SCHIP1: variants seen among roughly 807,000 people sequenced by gnomAD.
The protein encoded by SCHIP1 is schwannomin-interacting protein 1.
Under a neutral mutation model 29.7 loss-of-function variants are expected in SCHIP1, and 8 were observed. The ratio of observed to expected loss-of-function variants is 0.27; its 90% CI spans 0.16 to 0.49. SCHIP1 has a LOEUF of 0.49. Among genes scored for constraint, SCHIP1 ranks in the 20% least tolerant of loss-of-function variants. The pLI, the probability that SCHIP1 is intolerant of heterozygous loss-of-function variation, is 0.99. For missense variants in SCHIP1, 193 were observed against 294.6 expected, an observed-to-expected ratio of 0.66 and a Z score of 2.52; for synonymous variants, 76 against 94.9, an observed-to-expected ratio of 0.80 and a Z score of 1.16.
At chr3:159,786,094 A>G in the SCHIP1 span, among the ~76,000 whole-genome samples, 11 of 152,228 alleles carry the variant, frequency 7.2e-5, no homozygotes, top group African/African-American at 2.4e-4. Context: ...AATAAGGTTC[A>G]TTATAAGATC....
chr3:159,760,845 A>C, the SCHIP1 span, among the ~76,000 whole-genome samples: 3 of 151,972 alleles, frequency 2.0e-5, no homozygotes, highest in East Asian at 5.8e-4. Flanking sequence ...TTTTATATGA[A>C]TGTTTGGCCT....
chr3:159,666,256 A>G, the SCHIP1 span, among the ~76,000 whole-genome samples: 2 of 152,202 alleles, frequency 1.3e-5, no homozygotes, highest in African/African-American at 4.8e-5. Flanking sequence ...TGCAGCACAT[A>G]ATCTGCACAG....
the SCHIP1 span, among the ~76,000 whole-genome samples, chr3:159,580,305 TATTA>T: frequency 2.6e-5 from 4 of 152,186 alleles, no homozygotes; most frequent in Admixed American, 2.6e-4. Flanking sequence ...TTGTCATGGT[TATTA>T]ATTAAGCATG....
the SCHIP1 span, among the ~76,000 whole-genome samples, chr3:159,694,537 CAAGAAAGAAAGAAAGAAAGAAAGA>C: frequency 0.032 from 3,866 of 119,446 alleles, 89 homozygotes; most frequent in African/African-American, 0.036. Context: ...AAAGAAAAGA[CAAGAAAGAAAGAAAGAAAGAAAGA>C]AAGAAAGAAA....
the SCHIP1 span, among the ~76,000 whole-genome samples, chr3:159,509,793 T>G: frequency 1.5e-3 from 234 of 152,312 alleles, no homozygotes; most frequent in Non-Finnish European, 1.9e-3. Flanking sequence ...TTGACTATTG[T>G]TCCCCACTCT....
chr3:159,618,091 A>C, the SCHIP1 span, among the ~76,000 whole-genome samples: 770 of 152,192 alleles, frequency 5.1e-3, 11 homozygotes, highest in African/African-American at 0.017. Flanking sequence ...TATGCATCCT[A>C]TCTTATCTTC....
At chr3:159,574,411 CCT>C in the SCHIP1 span, among the ~76,000 whole-genome samples, 1 of 152,172 alleles carries the variant, frequency 6.6e-6, no homozygotes, top group South Asian at 2.1e-4. Flanking sequence ...CCACTCCAGA[CCT>C]GTTTGCCTAG....
chr3:159,685,706 C>CT, the SCHIP1 span, among the ~76,000 whole-genome samples: 3 of 152,028 alleles, frequency 2.0e-5, no homozygotes, highest in African/African-American at 7.2e-5. Flanking sequence ...TTCAGAACAC[C>CT]TTTTTTTTCC....
chr3:159,688,909 G>A, the SCHIP1 span, among the ~76,000 whole-genome samples: 1 of 152,174 alleles, frequency 6.6e-6, no homozygotes, highest in Non-Finnish European at 1.5e-5. Context: ...GATAGTTGTA[G>A]ATGTGTGGTG....
chr3:159,648,923 T>C, the SCHIP1 span, among the ~76,000 whole-genome samples: 2 of 152,014 alleles, frequency 1.3e-5, no homozygotes, highest in Admixed American at 1.3e-4. Flanking sequence ...GTTTAAGCTA[T>C]GGTTAATTTG....
At chr3:159,428,059 G>T in the SCHIP1 span, among the ~76,000 whole-genome samples, 29,002 of 151,854 alleles carry the variant, frequency 0.19, 2,807 homozygotes, top group Middle Eastern at 0.28. Flanking sequence ...ATGGATTAAA[G>T]ACTTACATGT....
the SCHIP1 span, among the ~76,000 whole-genome samples, chr3:159,423,464 A>C: frequency 3.3e-5 from 5 of 152,186 alleles, no homozygotes; most frequent in African/African-American, 4.8e-5. Context: ...ACTAGCACAG[A>C]AGTCTGACAT....
the SCHIP1 span, among the ~76,000 whole-genome samples, chr3:159,630,085 A>C: frequency 1.3e-5 from 2 of 152,206 alleles, no homozygotes; most frequent in African/African-American, 4.8e-5. Context: ...AGAAGCATGA[A>C]AGAGCATTAC....
At chr3:159,680,730 A>AT in the SCHIP1 span, among the ~76,000 whole-genome samples, 1 of 74,022 alleles carries the variant, frequency 1.4e-5, no homozygotes, top group African/African-American at 7.1e-5. Flanking sequence ...GTATATATAT[A>AT]ATATACATAT....
the SCHIP1 span, among the ~76,000 whole-genome samples, chr3:159,382,215 C>A: frequency 1.4e-3 from 117 of 86,152 alleles, 1 homozygote; most frequent in African/African-American, 5.1e-3. Context: ...CCATTAACTC[C>A]TCATTTAGCA....
the SCHIP1 span, among the ~76,000 whole-genome samples, chr3:159,382,660 T>A: frequency 6.6e-6 from 1 of 151,346 alleles, no homozygotes; most frequent in South Asian, 2.1e-4. Context: ...TTTCTAGTTC[T>A]AGATCCCTGA....
At chr3:159,350,383 A>G in the SCHIP1 span, among the ~76,000 whole-genome samples, 1 of 152,182 alleles carries the variant, frequency 6.6e-6, no homozygotes, top group Non-Finnish European at 1.5e-5. Flanking sequence ...TATGCAAAAA[A>G]TAAGAGATTG....
At chr3:159,600,412 G>A in the SCHIP1 span, among the ~76,000 whole-genome samples, 1 of 152,026 alleles carries the variant, frequency 6.6e-6, no homozygotes, top group East Asian at 1.9e-4. Flanking sequence ...TGTCCAGATG[G>A]GTTGTTTTCA....
chr3:159,565,874 CAT>C, the SCHIP1 span, among the ~76,000 whole-genome samples: 4 of 152,168 alleles, frequency 2.6e-5, no homozygotes, highest in Admixed American at 2.6e-4. Context: ...TCACATGCCT[CAT>C]ATAATGAACA....
Sources: allele counts gnomAD v4.1 joint callset (sites outside exome capture counted in the v4.1 genomes callset), GRCh38; gene constraint gnomAD v4.1.1; transcripts MANE v1.5; gene names NCBI Gene and HGNC (gene_info 2026-07-23, HGNC 2026-07-21).